Variants in CD99L2 observed in about 807,000 individuals in gnomAD.
The protein encoded by CD99L2 is CD99 molecule like 2.
Under a neutral mutation model 27.3 loss-of-function variants are expected in CD99L2, and 24 were observed. The observed-to-expected ratio is 0.88, with a 90% CI of 0.64 to 1.24. CD99L2 has a LOEUF of 1.24. Among genes scored for constraint, CD99L2 ranks in the 50% most tolerant of loss-of-function variants. The probability of loss-of-function intolerance (pLI) is 0.00; values close to 1 mark genes in which losing one functional copy is unlikely to be tolerated. For synonymous variants in CD99L2, 97 were observed against 87.9 expected, an observed-to-expected ratio of 1.10 and a Z score of -0.58; for missense variants, 255 against 221.6, an observed-to-expected ratio of 1.15 and a Z score of -0.96.
intron 2 of CD99L2, among the ~76,000 whole-genome samples, chrX:150,825,332 T>G (rs782176325): frequency 7.1e-5 from 8 of 112,410 alleles, no homozygotes; most frequent in Non-Finnish European, 1.3e-4. Context: ...ACCATAAATA[T>G]AAAGGTTTAT....
chrX:150,816,077 C>A lies in CD99L2; in HGVS notation c.132G>T (p.Gln44His). ...DAVKETSSVK[Q>H]PWDHTTTTTT... is the part of the protein sequence containing the mutation. Reference sequence around the variant, plus strand: ...TGGTGGTGGTGGTGTGGTCCCATGGCTCTAAAAGGGAGAGGGAGGACAGCA... The same window carrying A: ...TGGTGGTGGTGGTGTGGTCCCATGGATCTAAAAGGGAGAGGGAGGACAGCA... Residue 44 changes from glutamine to histidine, a missense_variant and splice_region_variant, in exon 3 of 11, where the codon CAG becomes CAT. Gln to His is a conservative substitution (Grantham distance 24). Transcript: ENST00000370377. 8.3e-7 allele frequency: 1 copy of A among 1,210,743 alleles called. No individual in the cohort carries two copies. Among genetic ancestry groups the A allele is most frequent in the South Asian group, 1.8e-5 (1 of 56,949 alleles).
At chrX:150,860,576 CTT>C (rs1161926409) in intron 1 of CD99L2, among the ~76,000 whole-genome samples, 1 of 112,102 alleles carries the variant, frequency 8.9e-6, no homozygotes, top group Non-Finnish European at 1.9e-5. Flanking sequence ...CACTGAAAAA[CTT>C]TACCAAAACA....
intron 7 of CD99L2, among the ~76,000 whole-genome samples, chrX:150,783,295 G>GTA (rs1378241813): frequency 9.0e-6 from 1 of 111,189 alleles, no homozygotes; most frequent in African/African-American, 3.3e-5. Flanking sequence ...AGAACTTAAA[G>GTA]TATATCTCTC....
intron 4 of CD99L2, among the ~76,000 whole-genome samples, chrX:150,805,385 T>G (rs1194576449): frequency 9.0e-6 from 1 of 111,217 alleles, no homozygotes; most frequent in Non-Finnish European, 1.9e-5. Flanking sequence ...GAGGAATAAG[T>G]TCTGGAGATT....
Position 150,807,268 on chromosome X carries a change from T to C in CD99L2, c.277+7594A>G, listed in dbSNP as rs781793979. 1.5e-3 allele frequency among the ~76,000 whole-genome samples: 170 copies of C among 111,472 alleles called. 1 individual carries two copies. Among genetic ancestry groups the C allele is most frequent in the Non-Finnish European group, 1.9e-3 (100 of 53,101 alleles). On this transcript the variant is annotated intron_variant, in intron 4 of 10. Transcript: ENST00000370377. Reference sequence around the variant, plus strand: ...GCACTATATATCAAAGCTTGTACTTTTGATTTTGAGGTATTCCAACAACTC... The same window carrying C: ...GCACTATATATCAAAGCTTGTACTTCTGATTTTGAGGTATTCCAACAACTC...
chrX:150,865,773 A>G lies in CD99L2; in HGVS notation c.67+32749T>C, dbSNP rs373525188. 2.0e-4 allele frequency among the ~76,000 whole-genome samples: 23 copies of G among 112,415 alleles called. No homozygotes were observed. The East Asian group carries it at 6.2e-3, about 30-fold the overall frequency. ...AAACTCCATCAGATGCAATAGCAAC[A>G]GGAAAAAGAAGATGAAAACTAAACT... On this transcript the variant is annotated intron_variant, in intron 1 of 10. Coordinates refer to ENST00000370377, the MANE Select transcript of CD99L2 (RefSeq NM_031462.4).
chrX:150,847,563 A>G (rs1198713735), intron 1 of CD99L2, among the ~76,000 whole-genome samples: 1 of 110,368 alleles, frequency 9.1e-6, no homozygotes, highest in African/African-American at 3.3e-5. Context: ...CCACCCCTTC[A>G]TAACCAAACT....
rs61706107 is a variant in CD99L2, at chrX:150,857,579, C to T, written c.68-26286G>A. On this transcript the variant is annotated intron_variant, in intron 1 of 10. Transcript: ENST00000370377. ...CAAAAGCAGAGGGTATTCATCGACA[C>T]GAGACTGGTCTAATAAGAAATGCTC... is the stretch of plus-strand genomic sequence containing the variant. 1.3e-3 allele frequency among the ~76,000 whole-genome samples: 142 copies of T among 111,788 alleles called. 1 individual carries two copies. The East Asian group carries it at 0.036, about 28-fold the overall frequency.
chrX:150,859,236 C>T (rs782677185), intron 1 of CD99L2, among the ~76,000 whole-genome samples: 7 of 111,689 alleles, frequency 6.3e-5, no homozygotes, highest in Middle Eastern at 4.6e-3. Flanking sequence ...TGCGGTGGCT[C>T]ACGCCTGTAA....
chrX:150,895,818 G>A (rs1306095501), intron 1 of CD99L2, among the ~76,000 whole-genome samples: 1 of 110,049 alleles, frequency 9.1e-6, no homozygotes, highest in Non-Finnish European at 1.9e-5. Flanking sequence ...ATGAGGTCAC[G>A]GGATAGAGAC....
chrX:150,866,289 A>G (rs2047059791), intron 1 of CD99L2, among the ~76,000 whole-genome samples: 2 of 110,395 alleles, frequency 1.8e-5, no homozygotes, highest in Admixed American at 9.7e-5. Flanking sequence ...GAACAACAAC[A>G]AAAAAAAACA....
chrX:150,790,056 T>G (rs2045663321), intron 7 of CD99L2, among the ~76,000 whole-genome samples: 2 of 111,028 alleles, frequency 1.8e-5, no homozygotes, highest in African/African-American at 6.6e-5. Flanking sequence ...TGAAAAAACT[T>G]TAAATGCATA....
intron 7 of CD99L2, among the ~76,000 whole-genome samples, chrX:150,789,269 C>T (rs1217389467): frequency 4.6e-5 from 5 of 109,030 alleles, no homozygotes; most frequent in Admixed American, 9.8e-5. Flanking sequence ...ACTACAGGCA[C>T]GTGCTACCAT....
chrX:150,827,558 A>G (rs2046385076), intron 2 of CD99L2, among the ~76,000 whole-genome samples: 1 of 112,141 alleles, frequency 8.9e-6, no homozygotes, highest in Non-Finnish European at 1.9e-5. Context: ...AAGTCTATTT[A>G]TATTTATCAA....
intron 1 of CD99L2, among the ~76,000 whole-genome samples, chrX:150,891,519 T>C (rs1228979177): frequency 1.8e-5 from 2 of 112,010 alleles, no homozygotes; most frequent in African/African-American, 3.2e-5. Flanking sequence ...GGTGATTACA[T>C]TGGGTCCACC....
chrX:150,798,228 GGAAGGAAGGA>G (rs2045842336), intron 4 of CD99L2, among the ~76,000 whole-genome samples: 2 of 26,318 alleles, frequency 7.6e-5, no homozygotes, highest in African/African-American at 3.5e-4. Context: ...AAGGAAGGAA[GGAAGGAAGGA>G]AGGAAGGAAG....
intron 1 of CD99L2, among the ~76,000 whole-genome samples, chrX:150,853,678 T>C (rs1339439519): frequency 9.0e-6 from 1 of 111,669 alleles, no homozygotes. Flanking sequence ...CTATAATCTC[T>C]TTAATGATAA....
intron 4 of CD99L2, among the ~76,000 whole-genome samples, chrX:150,807,178 T>C (rs1180643217): frequency 9.0e-6 from 1 of 111,151 alleles, no homozygotes; most frequent in Non-Finnish European, 1.9e-5. Context: ...AGTCCCTTTT[T>C]CAGCTTTCTA....
intron 6 of CD99L2, among the ~76,000 whole-genome samples, chrX:150,794,058 T>C (rs2045746060): frequency 9.0e-6 from 1 of 111,348 alleles, no homozygotes. Context: ...CCAAATCAAT[T>C]TGACTTTGCA....
Sources: allele counts gnomAD v4.1 joint callset (sites outside exome capture counted in the v4.1 genomes callset), GRCh38; gene constraint gnomAD v4.1.1; transcripts MANE v1.5; gene names NCBI Gene and HGNC (gene_info 2026-07-23, HGNC 2026-07-21).